Variants in LRP1B observed in about 807,000 individuals in gnomAD.
LRP1B encodes the protein LDL receptor related protein 1B, also known as low-density lipoprotein receptor-related protein 1B.
A neutral mutation model predicts 556.6 loss-of-function variants in LRP1B; 217 were observed. The observed-to-expected ratio is 0.39, with a 90% CI of 0.35 to 0.44. The LOEUF is 0.44. Among genes scored for constraint, LRP1B ranks in the 20% least tolerant of loss-of-function variants. The pLI is 1.00. For missense variants in LRP1B, 5,053 were observed against 5,620.8 expected (o/e 0.90, Z 3.23); for synonymous variants, 2,047 against 1,865.8 (o/e 1.10, Z -2.50).
chr2:141,124,358 A>G (rs925212615), intron 7 of LRP1B, among the ~76,000 whole-genome samples: 2 of 152,150 alleles, frequency 1.3e-5, no homozygotes, highest in African/African-American at 4.8e-5. Context: ...AAGAGCTATG[A>G]TAGTTAGAAT....
At chr2:141,898,212 T>C (rs770645071) in intron 1 of LRP1B, among the ~76,000 whole-genome samples, 3 of 152,162 alleles carry the variant, frequency 2.0e-5, no homozygotes, top group Non-Finnish European at 2.9e-5. Flanking sequence ...GTCTCTGTCC[T>C]CCATCGCCTC....
chr2:140,765,222 G>A (rs1184704332), intron 35 of LRP1B, among the ~76,000 whole-genome samples: 1 of 152,026 alleles, frequency 6.6e-6, no homozygotes, highest in Admixed American at 6.6e-5. Flanking sequence ...CATTGAGTTG[G>A]ATGACCCAAA....
chr2:142,016,833 T>TG, intron 1 of LRP1B, among the ~76,000 whole-genome samples: 1 of 103,620 alleles, frequency 9.7e-6, no homozygotes, highest in African/African-American at 3.1e-5. Context: ...TATATATATA[T>TG]TTATATGTAT....
intron 66 of LRP1B, among the ~76,000 whole-genome samples, chr2:140,395,936 G>C (rs551785561): frequency 2.6e-4 from 38 of 148,354 alleles, no homozygotes; most frequent in African/African-American, 7.1e-4. Flanking sequence ...TGAAGTGAGT[G>C]GGGGGGAAGG....
At chr2:140,818,202 C>T (rs542692989) in intron 31 of LRP1B, among the ~76,000 whole-genome samples, 194 of 152,228 alleles carry the variant, frequency 1.3e-3, no homozygotes, top group African/African-American at 4.5e-3. Context: ...GAAATAGACA[C>T]ACTATGAATA....
chr2:140,257,135 A>G (rs1029484975), intron 86 of LRP1B, among the ~76,000 whole-genome samples: 2 of 152,148 alleles, frequency 1.3e-5, no homozygotes, highest in Non-Finnish European at 2.9e-5. Flanking sequence ...TAGGAATTGT[A>G]TAAAGTTAAT....
chr2:140,342,062 C>G (rs989383232), intron 77 of LRP1B, among the ~76,000 whole-genome samples: 1 of 151,190 alleles, frequency 6.6e-6, no homozygotes, highest in Admixed American at 6.6e-5. Flanking sequence ...ATTAAAACAT[C>G]AAAAAAATAG....
chr2:142,055,060 T>G lies in LRP1B; in HGVS notation c.82+75588A>C, dbSNP rs1704614698. ...TTGCCTCACCAAATATACATTATGC[T>G]GCTTGCGTATGTCGGTAACCATTCT... On this transcript the variant is annotated intron_variant, in intron 1 of 90. Transcript: ENST00000389484. Among the ~76,000 whole-genome samples the G allele has an allele frequency of 2.0e-5, 3 of 152,164 alleles. No homozygotes were observed. The South Asian group carries it at 6.2e-4, about 31-fold the overall frequency.
chr2:141,909,755 A>G (rs539298365), intron 1 of LRP1B, among the ~76,000 whole-genome samples: 20 of 152,078 alleles, frequency 1.3e-4, no homozygotes, highest in Non-Finnish European at 2.5e-4. Context: ...ACCTAAACTT[A>G]GGTTTTCTGT....
At chr2:140,984,310 T>C (rs1244824677) in intron 17 of LRP1B, among the ~76,000 whole-genome samples, 1 of 151,996 alleles carries the variant, frequency 6.6e-6, no homozygotes, top group African/African-American at 2.4e-5. Flanking sequence ...TTATTTTTTC[T>C]CTTTTCTTTT....
intron 1 of LRP1B, among the ~76,000 whole-genome samples, chr2:142,128,802 C>T (rs1707748195): frequency 6.6e-6 from 1 of 152,068 alleles, no homozygotes; most frequent in Non-Finnish European, 1.5e-5. Context: ...TTAGATGTTC[C>T]TCTCCCTCAT....
chr2:141,728,943 G>T (rs910513691), intron 2 of LRP1B, among the ~76,000 whole-genome samples: 1 of 152,114 alleles, frequency 6.6e-6, no homozygotes, highest in African/African-American at 2.4e-5. Flanking sequence ...TAGGTGGAGA[G>T]GGGGGTGCCA....
chr2:140,474,217 C>T (rs1484117074), intron 60 of LRP1B, among the ~76,000 whole-genome samples: 1 of 151,754 alleles, frequency 6.6e-6, no homozygotes, highest in African/African-American at 2.4e-5. Flanking sequence ...ACTTTGGTAC[C>T]TTTTACCTTT....
intron 43 of LRP1B, among the ~76,000 whole-genome samples, chr2:140,556,341 G>A (rs1010458818): frequency 3.3e-5 from 5 of 151,994 alleles, no homozygotes; most frequent in South Asian, 2.1e-4. Flanking sequence ...TACTCTATAC[G>A]TGGAGGAAGG....
At chr2:140,834,226 C>T (rs993422563) in intron 31 of LRP1B, among the ~76,000 whole-genome samples, 7 of 151,408 alleles carry the variant, frequency 4.6e-5, no homozygotes, top group Non-Finnish European at 8.9e-5. Flanking sequence ...TCTCAATTGC[C>T]ATCTGTTTTT....
intron 63 of LRP1B, among the ~76,000 whole-genome samples, chr2:140,449,746 G>T (rs1686809699): frequency 1.3e-5 from 2 of 152,146 alleles, no homozygotes; most frequent in Admixed American, 1.3e-4. Context: ...TCCAGTAGAA[G>T]AAGATAGCCA....
intron 3 of LRP1B, among the ~76,000 whole-genome samples, chr2:141,413,896 T>C (rs1175073888): frequency 7.2e-6 from 1 of 138,196 alleles, no homozygotes; most frequent in Non-Finnish European, 1.6e-5. Flanking sequence ...AGAGAGACCA[T>C]GAGAGAAAGG....
chr2:141,476,891 A>G (rs1213812602), intron 3 of LRP1B, among the ~76,000 whole-genome samples: 1 of 152,204 alleles, frequency 6.6e-6, no homozygotes, highest in Non-Finnish European at 1.5e-5. Context: ...TGTGATGCTG[A>G]GGCGGGTGGA....
chr2:140,698,030 T>C (rs1464523025), intron 41 of LRP1B, among the ~76,000 whole-genome samples: 3 of 152,214 alleles, frequency 2.0e-5, no homozygotes, highest in African/African-American at 7.2e-5. Flanking sequence ...TGGTGCATTG[T>C]ATGATGTGTA....
Sources: gnomAD v4.1 joint callset for allele counts (sites outside exome capture counted in the v4.1 genomes callset) on GRCh38, gnomAD v4.1.1 for gene constraint, MANE v1.5 for transcripts, NCBI Gene and HGNC (gene_info 2026-07-23, HGNC 2026-07-21) for gene names.